The following NFIX variants were observed in gnomAD, a reference collection of about 807,000 sequenced individuals.
NFIX encodes nuclear factor 1 X-type.
NFIX carries 2 observed loss-of-function variants against 53.3 expected under a neutral mutation model. The ratio of observed to expected loss-of-function variants is 0.04; its 90% CI spans 0.02 to 0.12. The LOEUF is 0.12. NFIX is among the 10% of genes least tolerant of loss of function. The probability of loss-of-function intolerance (pLI) is 1.00; values close to 1 mark genes in which losing one functional copy is unlikely to be tolerated. For missense variants in NFIX, 310 were observed against 674.5 expected (o/e 0.46, Z 5.99); for synonymous variants, 244 against 289.0 (o/e 0.84, Z 1.58).
chr19:12,998,915 C>A lies in NFIX; in HGVS notation c.27+3051C>A, dbSNP rs1599696057. On this transcript the variant is annotated intron_variant, in intron 1 of 10. Transcript: ENST00000592199. This position sits in a 1 kb window ranked among gnomAD's most constrained non-coding sequence, Gnocchi z 4.4. ...ACTGTGGACTTGTGTTCACAACCACCCCCAGCGCACACATAAACACTCACA... is the reference window on the plus strand; with the variant it reads ...ACTGTGGACTTGTGTTCACAACCACACCCAGCGCACACATAAACACTCACA... 1.3e-5 allele frequency among the ~76,000 whole-genome samples: 2 copies of A among 152,118 alleles called. No individual in the cohort carries two copies. The highest frequency in any genetic ancestry group is 4.1e-4 in the South Asian group (2 of 4,830).
intron 1 of NFIX, among the ~76,000 whole-genome samples, chr19:13,020,058 T>G (rs2012886570): frequency 6.6e-6 from 1 of 152,082 alleles, no homozygotes; most frequent in South Asian, 2.1e-4. Flanking sequence ...CTCTTACACT[T>G]GCCAGTGACT....
intron 2 of NFIX, among the ~76,000 whole-genome samples, chr19:13,035,753 A>G (rs931838881): frequency 3.3e-5 from 5 of 152,116 alleles, no homozygotes; most frequent in African/African-American, 7.2e-5. Flanking sequence ...TTTTTCATCA[A>G]TTCATATATC....
In NFIX at chr19:13,066,146, G is replaced by A. The variant is rs1029777963; in HGVS notation, c.560-6901G>A. Among the ~76,000 whole-genome samples, 1 of 152,184 alleles carries A rather than the reference G, an allele frequency of 6.6e-6. No homozygotes were observed. The highest frequency in any genetic ancestry group is 6.5e-5 in the Admixed American group (1 of 15,290). On this transcript the variant is annotated intron_variant, in intron 2 of 10. Coordinates refer to ENST00000592199, the MANE Select transcript of NFIX (RefSeq NM_001365902.3). The surrounding 1 kb of genome is among the most constrained non-coding windows in gnomAD (Gnocchi z 4.2). ...CTCCTGGGTACAAGATGAGCTGATG[G>A]ACTTGCTTTCTCCTCGCTTCCCGAA...
intron 2 of NFIX, among the ~76,000 whole-genome samples, chr19:13,033,628 C>T (rs2013975764): frequency 6.6e-6 from 1 of 152,256 alleles, no homozygotes; most frequent in South Asian, 2.1e-4. Context: ...TGGTCTCTAT[C>T]CCCTGCTTTA....
chr19:13,083,796 G>A (rs1053179836), intron 8 of NFIX, among the ~76,000 whole-genome samples: 2 of 152,248 alleles, frequency 1.3e-5, no homozygotes, highest in African/African-American at 2.4e-5. Flanking sequence ...GCTTCTGGGA[G>A]GAGGCTAGAG....
Position 13,040,505 on chromosome 19 carries a change from C to T in NFIX, c.559+14953C>T, listed in dbSNP as rs1198980787. Among the ~76,000 whole-genome samples, 1 of 152,190 alleles carries T rather than the reference C, an allele frequency of 6.6e-6. No individual in the cohort carries two copies. Among genetic ancestry groups the T allele is most frequent in the Non-Finnish European group, 1.5e-5 (1 of 68,040 alleles). ...GTCCTGGGCCCACTGGGATTGCTTGCCTTTTGCTCTGAGGCTTTTCCTCGC... is the reference window on the plus strand; with the variant it reads ...GTCCTGGGCCCACTGGGATTGCTTGTCTTTTGCTCTGAGGCTTTTCCTCGC... On this transcript the variant is annotated intron_variant, in intron 2 of 10. Transcript: ENST00000592199. The surrounding 1 kb of genome is among the most constrained non-coding windows in gnomAD (Gnocchi z 4.2).
chr19:13,091,977 C>T (rs1943965139), intron 10 of NFIX, among the ~76,000 whole-genome samples: 1 of 152,180 alleles, frequency 6.6e-6, no homozygotes, highest in Non-Finnish European at 1.5e-5. Flanking sequence ...TCTTAGGCTC[C>T]AGGAGGTAGG....
Position 13,072,132 on chromosome 19 carries a change from C to T in NFIX, c.560-915C>T, listed in dbSNP as rs2016813358. Reference sequence around the variant, plus strand: ...CCTGCCCCACAACCTGCCTGGCCCCCCTCCACCACCCTCTCGCCAGCTGTC... The same window carrying T: ...CCTGCCCCACAACCTGCCTGGCCCCTCTCCACCACCCTCTCGCCAGCTGTC... On this transcript the variant is annotated intron_variant, in intron 2 of 10. Transcript: ENST00000592199. This position sits in a 1 kb window ranked among gnomAD's most constrained non-coding sequence, Gnocchi z 4.0. Among the ~76,000 whole-genome samples, 1 of 152,230 alleles carries T rather than the reference C, an allele frequency of 6.6e-6. No homozygotes were observed.
intron 2 of NFIX, among the ~76,000 whole-genome samples, chr19:13,039,228 C>CCACA (rs1555698306): frequency 2.1e-5 from 3 of 144,522 alleles, no homozygotes; most frequent in African/African-American, 8.5e-5. Flanking sequence ...ACACCCCCCC[C>CCACA]CACACACACA....
chr19:13,061,258 C>T (rs1164320324), intron 2 of NFIX, among the ~76,000 whole-genome samples: 1 of 152,216 alleles, frequency 6.6e-6, no homozygotes, highest in African/African-American at 2.4e-5. Context: ...CCTTTCCATC[C>T]GGCCCATGCA....
At chr19:13,057,808 GCCCCTCCCTTCCTC>G (rs2015805784) in intron 2 of NFIX, among the ~76,000 whole-genome samples, 1 of 105,164 alleles carries the variant, frequency 9.5e-6, no homozygotes, top group South Asian at 3.1e-4. Flanking sequence ...GGGGAAGGCA[GCCCCTCCCTTCCTC>G]CCTCCCTCCC....
chr19:12,999,210 G>A (rs1296186096), intron 1 of NFIX, among the ~76,000 whole-genome samples: 1 of 148,278 alleles, frequency 6.7e-6, no homozygotes, highest in Non-Finnish European at 1.5e-5. Flanking sequence ...GCCTTGCTCT[G>A]TCGCCCAGGT....
rs1350470748 is a variant in NFIX, at chr19:13,014,872, A to G, written c.28-10149A>G. Among the ~76,000 whole-genome samples the G allele has an allele frequency of 6.6e-6, 1 of 151,754 alleles. No homozygotes were observed. On this transcript the variant is annotated intron_variant, in intron 1 of 10. Transcript: ENST00000592199. The surrounding 1 kb of genome is among the most constrained non-coding windows in gnomAD (Gnocchi z 4.4). Reference sequence around the variant, plus strand: ...AGAGGTTCGGCTCTGGGCTGGTGGTAGGGGGCTGGTGGTAGGCGAGGTGGC... The same window carrying G: ...AGAGGTTCGGCTCTGGGCTGGTGGTGGGGGGCTGGTGGTAGGCGAGGTGGC...
At position 13,022,634 on chromosome 19, in the gene NFIX, G is replaced by C. The variant is rs1262623630; in HGVS notation, c.28-2387G>C. Among the ~76,000 whole-genome samples the C allele has an allele frequency of 6.6e-6, 1 of 152,064 alleles. No homozygotes were observed. Among genetic ancestry groups the C allele is most frequent in the Non-Finnish European group, 1.5e-5 (1 of 68,012 alleles). On this transcript the variant is annotated intron_variant, in intron 1 of 10. Coordinates refer to ENST00000592199, the MANE Select transcript of NFIX (RefSeq NM_001365902.3). The surrounding 1 kb of genome is among the most constrained non-coding windows in gnomAD (Gnocchi z 4.5). ...AGAAAGAAATAGAAACAGAAAAAGA[G>C]AGTGTGCAGGCCCGAGAGAAAGACT...
rs1271841675 is a variant in NFIX at position 13,005,057 on chromosome 19, TC to T, written c.27+9195del. Among the ~76,000 whole-genome samples, 1 of 152,194 alleles carries T rather than the reference TC, an allele frequency of 6.6e-6. No individual in the cohort carries two copies. Among genetic ancestry groups the T allele is most frequent in the East Asian group, 1.9e-4 (1 of 5,182 alleles). ...GTCTCAAACTCCTGGCCTCAAGTGA[TC>T]CGCCCGCCTCGGCCTCCCAAAGTGC... On this transcript the variant is annotated intron_variant, in intron 1 of 10. Coordinates refer to ENST00000592199, the MANE Select transcript of NFIX (RefSeq NM_001365902.3). This position sits in a 1 kb window ranked among gnomAD's most constrained non-coding sequence, Gnocchi z 4.7.
At position 13,002,158 on chromosome 19, in the gene NFIX, C is replaced by T. The variant is rs972727046; in HGVS notation, c.27+6294C>T. ...CGCCATCCCTCCGAGGCTCTGAGGG[C>T]GCGGATTTGGAAACTGAGGTCCCCC... On this transcript the variant is annotated intron_variant, in intron 1 of 10. Transcript: ENST00000592199. This position sits in a 1 kb window ranked among gnomAD's most constrained non-coding sequence, Gnocchi z 6.1. Among the ~76,000 whole-genome samples the T allele has an allele frequency of 1.3e-5, 2 of 152,014 alleles. No homozygotes were observed. The highest frequency in any genetic ancestry group is 2.4e-5 in the African/African-American group (1 of 41,416).
chr19:13,045,988 GC>G lies in NFIX; in HGVS notation c.559+20440del, dbSNP rs1172038394. Among the ~76,000 whole-genome samples, 2 of 152,144 alleles carry G rather than the reference GC, an allele frequency of 1.3e-5. No homozygotes were observed. Among genetic ancestry groups the G allele is most frequent in the African/African-American group, 2.4e-5 (1 of 41,428 alleles). ...CAGCTTCCATCTTGCAAGGACACAG[GC>G]CCCACCCTGGCTTCTCCCCAACACA... On this transcript the variant is annotated intron_variant, in intron 2 of 10. Coordinates refer to ENST00000592199, the MANE Select transcript of NFIX (RefSeq NM_001365902.3). This position sits in a 1 kb window ranked among gnomAD's most constrained non-coding sequence, Gnocchi z 4.4.
intron 2 of NFIX, among the ~76,000 whole-genome samples, chr19:13,044,734 C>T (rs2014872442): frequency 1.3e-5 from 2 of 152,124 alleles, no homozygotes; most frequent in South Asian, 4.1e-4. Context: ...GAACCTGCCT[C>T]GCTATTAATC....
intron 1 of NFIX, among the ~76,000 whole-genome samples, chr19:13,000,004 C>G (rs543055776): frequency 1.8e-4 from 28 of 152,290 alleles, no homozygotes; most frequent in Admixed American, 1.6e-3. Flanking sequence ...GATGCTGGGC[C>G]GAGCTCAGAG....
Sources: allele counts gnomAD v4.1 joint callset (sites outside exome capture counted in the v4.1 genomes callset), GRCh38; gene constraint gnomAD v4.1.1; non-coding constraint Gnocchi (gnomAD v3.1); transcripts MANE v1.5; gene names NCBI Gene and HGNC (gene_info 2026-07-23, HGNC 2026-07-21).